Variants in UBR1 observed in about 807,000 individuals in gnomAD.
UBR1 encodes E3 ubiquitin-protein ligase UBR1.
Under a neutral mutation model 242.1 loss-of-function variants are expected in UBR1, and 102 were observed. That is an observed-to-expected ratio of 0.42 (90% CI 0.36 to 0.50). The LOEUF (loss-of-function observed/expected upper bound fraction) is 0.50. UBR1 is among the 20% of genes least tolerant of loss of function. The pLI is 0.01. For missense variants in UBR1, 1,772 were observed against 2,101.8 expected (o/e 0.84, Z 3.07); for synonymous variants, 675 against 684.8 (o/e 0.99, Z 0.22).
chr15:42,999,514 A>C (rs1293498139), intron 32 of UBR1, among the ~76,000 whole-genome samples: 1 of 152,120 alleles, frequency 6.6e-6, no homozygotes, highest in Non-Finnish European at 1.5e-5. Context: ...AAGGACAGGG[A>C]CTTGAGACAG....
intron 28 of UBR1, 127 bp downstream of exon 28, chr15:43,016,968 A>C: frequency 1.4e-6 from 1 of 699,780 alleles, no homozygotes; most frequent in South Asian, 1.6e-5. Context: ...TAAAAGATGG[A>C]CAGATCTCAT....
rs1217610678 is a variant in UBR1, at chr15:42,984,735, C to G, written c.4053+152G>C. On this transcript the variant is annotated intron_variant, in intron 36 of 46. Transcript: ENST00000290650. Reference sequence around the variant, plus strand: ...TAAAGTGCACATGCTATTCAGTTTCCTATAAGACTGATGCAGTTCCTTTTT... The same window carrying G: ...TAAAGTGCACATGCTATTCAGTTTCGTATAAGACTGATGCAGTTCCTTTTT... The G allele has an allele frequency of 4.3e-6, 3 of 701,232 alleles. No homozygotes were observed. In the African/African-American group the frequency reaches 5.4e-5, roughly 13 times the overall value. The allele number at this position is 701,232 out of a possible 1,614,324, so 43.4% of individuals were successfully genotyped here.
At chr15:43,030,100 T>G in intron 20 of UBR1, 32 bp from the exon 21 acceptor site, 13 of 1,597,870 alleles carry the variant, frequency 8.1e-6, no homozygotes, top group South Asian at 1.1e-5. Context: ...AAAAAAAAAG[T>G]AGAATAATTA....
At chr15:43,042,962 G>A (rs112195813) in intron 15 of UBR1, among the ~76,000 whole-genome samples, 2,879 of 152,148 alleles carry the variant, frequency 0.019, 92 homozygotes, top group African/African-American at 0.065. Flanking sequence ...GAGTTACCAC[G>A]TTAGTCCTTA....
chr15:43,047,062 T>A (rs1405343676), intron 14 of UBR1, 99 bp downstream of exon 14: 2 of 1,404,246 alleles, frequency 1.4e-6, no homozygotes, highest in African/African-American at 2.9e-5. Flanking sequence ...CTATAAATAA[T>A]AAAAACTTTA....
intron 6 of UBR1, among the ~76,000 whole-genome samples, chr15:43,061,536 T>C (rs757475426): frequency 6.0e-5 from 9 of 150,170 alleles, no homozygotes; most frequent in Non-Finnish European, 8.8e-5. Flanking sequence ...CACACACATA[T>C]ACACATACAC....
Position 43,067,944 on chromosome 15 carries a change from C to A in UBR1, c.752G>T (p.Cys251Phe), listed in dbSNP as rs150617078. The A allele has an allele frequency of 5.9e-4, 956 of 1,613,866 alleles. No homozygotes were observed. The highest frequency in any genetic ancestry group is 8.2e-4 in the Middle Eastern group (5 of 6,062). Residue 251 changes from cysteine to phenylalanine, a missense_variant, in exon 6 of 47, where the codon TGT becomes TTT. Physicochemically the swap from Cys to Phe is radical, Grantham distance 205. Around this residue, in one of 3 missense-constraint regions of UBR1, gnomAD observed 734 missense variants for 893.3 expected, o/e 0.82. Transcript: ENST00000290650. ...VIYSLQRALD[C>F]ELAEAQLHTT... Reference sequence around the variant, plus strand: ...ATGCAACTGGGCCTCTGCGAGCTCACAGTCAAGAGCTCTTTGTAGGCTGTA... The same window carrying A: ...ATGCAACTGGGCCTCTGCGAGCTCAAAGTCAAGAGCTCTTTGTAGGCTGTA...
In UBR1 at chr15:43,086,167, A is replaced by C. The variant is rs766255677; in HGVS notation, c.155T>G (p.Phe52Cys). The C allele has an allele frequency of 1.3e-5, 21 of 1,614,004 alleles. No individual in the cohort carries two copies. The African/African-American group carries it at 2.5e-4, about 19-fold the overall frequency. The change falls in exon 2 of 47, where the codon TTT (phenylalanine) becomes TGT (cysteine). Residue 52 changes from phenylalanine to cysteine, a missense_variant. Phe to Cys is a radical substitution (Grantham distance 205, BLOSUM62 -2). Coordinates refer to ENST00000290650, the MANE Select transcript of UBR1 (RefSeq NM_174916.3). ...TTCCAAGTCTGGGTCCATTTCAGCA[A>C]AGTAAATTTCTGGCACCAATTGTGC... ...HLAQLVPEIYFAEMDPDLEKQ... is the reference protein window; with the variant it reads ...HLAQLVPEIYCAEMDPDLEKQ...
At chr15:43,055,693 T>C (rs973697783) in intron 11 of UBR1, among the ~76,000 whole-genome samples, 4 of 152,122 alleles carry the variant, frequency 2.6e-5, no homozygotes, top group African/African-American at 9.7e-5. Context: ...GGCTGGCAGA[T>C]CACCTGAGGT....
chr15:43,067,777 G>A (rs1317340343), intron 6 of UBR1, 121 bp downstream of exon 6: 14 of 1,117,326 alleles, frequency 1.3e-5, no homozygotes, highest in South Asian at 1.5e-5. Context: ...TACCTAGGAT[G>A]TAAGGAATAA....
At chr15:43,082,767 G>A in intron 2 of UBR1, 51 bp from the exon 3 acceptor site, 1 of 1,327,556 alleles carries the variant, frequency 7.5e-7, no homozygotes, top group African/African-American at 1.4e-5. Context: ...TCCCACTGAT[G>A]CTCAAGGTAT....
At chr15:43,080,341 A>G (rs1197865436) in intron 3 of UBR1, among the ~76,000 whole-genome samples, 1 of 152,220 alleles carries the variant, frequency 6.6e-6, no homozygotes, top group Admixed American at 6.5e-5. Flanking sequence ...TTTGACCCAC[A>G]GGCTGTGGTT....
chr15:43,007,205 T>A lies in UBR1; in HGVS notation c.3289A>T (p.Thr1097Ser). Residue 1097 changes from threonine to serine, a missense_variant, in exon 30 of 47, where the codon ACG (threonine) becomes TCG (serine). This residue lies in a region of UBR1 where 965 missense variants were observed against 1,079.7 expected (regional missense o/e 0.89). Transcript: ENST00000290650. ...TGTTCTTCTTGGCAAAGGATGCACG[T>A]CAGCACCTCCTTTTCAGTAACAGAT... is the stretch of plus-strand genomic sequence containing the variant. ...GPSVTEKEVL[T>S]CILCQEEQEV... is the part of the protein sequence containing the mutation. The A allele has an allele frequency of 1.2e-6, 2 of 1,614,170 alleles. No homozygotes were observed. Among genetic ancestry groups the A allele is most frequent in the Non-Finnish European group, 1.7e-6 (2 of 1,180,028 alleles).
chr15:43,027,746 T>C, intron 22 of UBR1, 30 bp downstream of exon 22: 1 of 1,598,748 alleles, frequency 6.3e-7, no homozygotes, highest in Non-Finnish European at 8.6e-7. Context: ...AAACTACCTT[T>C]TAGAATAAGC....
chr15:42,988,566 T>G, intron 35 of UBR1: 1 of 454,476 alleles, frequency 2.2e-6, no homozygotes, highest in East Asian at 4.6e-5. Context: ...CCAGGCATAA[T>G]CCACCGTGCC....
At chr15:43,040,176 T>C (rs1027502739) in intron 15 of UBR1, among the ~76,000 whole-genome samples, 19 of 152,282 alleles carry the variant, frequency 1.2e-4, no homozygotes, top group Non-Finnish European at 2.1e-4. Context: ...GCTGGAGGCA[T>C]CATGCTACCT....
intron 19 of UBR1, among the ~76,000 whole-genome samples, chr15:43,035,744 G>T (rs1318203192): frequency 6.7e-6 from 1 of 150,294 alleles, no homozygotes; most frequent in Non-Finnish European, 1.5e-5. Flanking sequence ...TTTCTTCTAG[G>T]GTTTTTATGG....
chr15:42,989,422 G>C (rs570983218), intron 34 of UBR1, among the ~76,000 whole-genome samples: 8 of 152,304 alleles, frequency 5.3e-5, no homozygotes, highest in African/African-American at 1.9e-4. Flanking sequence ...ATGATACCAT[G>C]TACCTGGAGT....
chr15:43,024,371 C>A (rs925122828), intron 25 of UBR1, among the ~76,000 whole-genome samples: 1 of 152,194 alleles, frequency 6.6e-6, no homozygotes, highest in Non-Finnish European at 1.5e-5. Context: ...AAAGTAGCTG[C>A]TTTCACTTTA....
Sources: gnomAD v4.1 joint callset for allele counts (sites outside exome capture counted in the v4.1 genomes callset) on GRCh38, gnomAD v4.1.1 for gene constraint, gnomAD v4.1.1 regional missense constraint, MANE v1.5 for transcripts, NCBI Gene and HGNC (gene_info 2026-07-23, HGNC 2026-07-21) for gene names.